The following ERICH3 variants were observed in gnomAD, a reference collection of about 807,000 sequenced individuals.
ERICH3 encodes the protein glutamate rich 3, also known as glutamate-rich protein 3.
Under a neutral mutation model 131.1 loss-of-function variants are expected in ERICH3, and 126 were observed. That is an observed-to-expected ratio of 0.96 (90% CI 0.83 to 1.11). The LOEUF (loss-of-function observed/expected upper bound fraction) is 1.11. Among genes scored for constraint, ERICH3 ranks in the 50% most tolerant of loss-of-function variants. The pLI is 0.00. For synonymous variants in ERICH3, 695 were observed against 644.6 expected, an observed-to-expected ratio of 1.08 and a Z score of -1.18; for missense variants, 2,050 against 1,810.7, an observed-to-expected ratio of 1.13 and a Z score of -2.40.
intron 10 of ERICH3, among the ~76,000 whole-genome samples, chr1:74,601,795 C>T (rs142436582): frequency 1.9e-4 from 29 of 151,872 alleles, no homozygotes; most frequent in African/African-American, 6.5e-4. Flanking sequence ...CATTCATGTG[C>T]CCAAGACCCA....
Position 74,573,316 on chromosome 1 carries a change from C to T in ERICH3, c.2394G>A (p.Trp798Ter). The change falls in exon 14 of 15, where the codon TGG (tryptophan) becomes TGA (stop). Residue 798 changes from tryptophan to a stop codon, truncating the protein, a stop_gained. Coordinates refer to ENST00000326665, the MANE Select transcript of ERICH3 (RefSeq NM_001002912.5). LOFTEE classifies it high-confidence loss of function. ...CCTCATGAACAGCTCCTGCTTCTCC[C>T]CACAGTGCTGCCTCCCCTTTTCCCT... Reference protein sequence around the residue: ...IVQGKGEAALWGEAGAVHEAP... With the variant: ...IVQGKGEAAL 1 of 1,603,954 alleles carries T rather than the reference C, an allele frequency of 6.2e-7. No homozygotes were observed. Among genetic ancestry groups the T allele is most frequent in the Non-Finnish European group, 8.5e-7 (1 of 1,176,014 alleles).
rs1045538588 is a variant in ERICH3, at chr1:74,571,792, T to C, written c.3918A>G (p.Thr1306=). Reference sequence around the variant, plus strand: ...CCGAGTTCCTGTCCTGCATCGCTTCTGTCTCCAGAGTGCACTCTTTGTCCT... The same window carrying C: ...CCGAGTTCCTGTCCTGCATCGCTTCCGTCTCCAGAGTGCACTCTTTGTCCT... The part of the protein sequence containing the change: ...EEEDKECTLE[T]EAMQDRNSEG... The change falls in exon 14 of 15, where the codon ACA becomes ACG. Residue 1306 remains threonine, a synonymous_variant. Coordinates refer to ENST00000326665, the MANE Select transcript of ERICH3 (RefSeq NM_001002912.5). The C allele has an allele frequency of 3.7e-6, 6 of 1,613,848 alleles. No individual in the cohort carries two copies. In the Admixed American group the frequency reaches 6.7e-5, roughly 18 times the overall value.
intron 12 of ERICH3, chr1:74,586,337 T>C (rs696689): frequency 4.6e-6 from 4 of 875,346 alleles, no homozygotes; most frequent in African/African-American, 3.7e-5. Context: ...ATATGTATCT[T>C]TGTAATATAG....
At chr1:74,598,208 A>G (rs991839760) in intron 11 of ERICH3, among the ~76,000 whole-genome samples, 3 of 151,944 alleles carry the variant, frequency 2.0e-5, no homozygotes, top group Non-Finnish European at 4.4e-5. Flanking sequence ...GTGAAAAATC[A>G]TTGATTCAAC....
intron 9 of ERICH3, among the ~76,000 whole-genome samples, chr1:74,611,951 C>T (rs1186974547): frequency 6.6e-6 from 1 of 152,120 alleles, no homozygotes; most frequent in Non-Finnish European, 1.5e-5. Flanking sequence ...ATAAGTTCCA[C>T]AGAGACAAAT....
intron 11 of ERICH3, among the ~76,000 whole-genome samples, chr1:74,590,976 A>T (rs1210396570): frequency 6.6e-6 from 1 of 152,190 alleles, no homozygotes; most frequent in Non-Finnish European, 1.5e-5. Context: ...CTTTTTTTAA[A>T]AAAATTTATT....
chr1:74,632,204 C>A (rs1487968864), intron 6 of ERICH3, among the ~76,000 whole-genome samples: 2 of 152,074 alleles, frequency 1.3e-5, no homozygotes, highest in Non-Finnish European at 2.9e-5. Context: ...ATCCATTAAA[C>A]CCAATACAAC....
intron 12 of ERICH3, among the ~76,000 whole-genome samples, chr1:74,581,845 T>G (rs1339498493): frequency 6.6e-6 from 1 of 152,186 alleles, no homozygotes; most frequent in Non-Finnish European, 1.5e-5. Flanking sequence ...GATGCAGATT[T>G]TCCTCAAAAA....
intron 12 of ERICH3, chr1:74,586,363 T>C (rs1647330626): frequency 9.6e-6 from 9 of 934,696 alleles, no homozygotes; most frequent in Non-Finnish European, 1.1e-5. Flanking sequence ...TATATTAATA[T>C]ATCTATACCT....
intron 11 of ERICH3, among the ~76,000 whole-genome samples, chr1:74,593,801 T>C (rs926971229): frequency 9.2e-5 from 14 of 152,270 alleles, no homozygotes; most frequent in Middle Eastern, 6.8e-3. Flanking sequence ...CAGTACCCAA[T>C]GTCCATTACC....
rs147806023 is a variant in ERICH3, at chr1:74,573,054, G to A, written c.2656C>T (p.Leu886Phe). ...PEKQALMLTV[L>F]ETDKAASEGE... Reference sequence around the variant, plus strand: ...TCAGAAGCTGCTTTGTCTGTCTCAAGCACTGTGAGCATCAAGGCTTGCTTT... The same window carrying A: ...TCAGAAGCTGCTTTGTCTGTCTCAAACACTGTGAGCATCAAGGCTTGCTTT... The change falls in exon 14 of 15, where the codon CTT (leucine) becomes TTT (phenylalanine). Residue 886 changes from leucine to phenylalanine, a missense_variant. Leu to Phe is a conservative substitution (Grantham distance 22). Coordinates refer to ENST00000326665, the MANE Select transcript of ERICH3 (RefSeq NM_001002912.5). The A allele has an allele frequency of 1.9e-6, 3 of 1,614,016 alleles. No individual in the cohort carries two copies. The highest frequency in any genetic ancestry group is 1.3e-5 in the African/African-American group (1 of 74,904).
intron 1 of ERICH3, among the ~76,000 whole-genome samples, chr1:74,669,694 C>T (rs1646724164): frequency 6.6e-6 from 1 of 152,192 alleles, no homozygotes; most frequent in South Asian, 2.1e-4. Context: ...TTATCTTTGG[C>T]AGAAGTTTTA....
At chr1:74,605,775 C>T (rs1232260659) in intron 10 of ERICH3, among the ~76,000 whole-genome samples, 1 of 151,626 alleles carries the variant, frequency 6.6e-6, no homozygotes, top group African/African-American at 2.4e-5. Flanking sequence ...ATCACCATGA[C>T]AGATATCATA....
chr1:74,616,083 C>T (rs1648949489), intron 8 of ERICH3, among the ~76,000 whole-genome samples: 3 of 152,110 alleles, frequency 2.0e-5, no homozygotes, highest in Admixed American at 6.6e-5. Flanking sequence ...CTCACTGCAA[C>T]CTCTGCCTCC....
chr1:74,643,555 A>T (rs1646454376), intron 3 of ERICH3, among the ~76,000 whole-genome samples: 1 of 152,158 alleles, frequency 6.6e-6, no homozygotes, highest in Admixed American at 6.6e-5. Flanking sequence ...TTGTTTAAAA[A>T]ATGGACAATG....
At chr1:74,607,162 G>A (rs917188943) in intron 9 of ERICH3, among the ~76,000 whole-genome samples, 4 of 151,826 alleles carry the variant, frequency 2.6e-5, no homozygotes, top group Admixed American at 6.6e-5. Context: ...AAAATAACTC[G>A]TCAACCAAGA....
rs1373402058 is a variant in ERICH3, at chr1:74,568,663, T to C, written c.*1795A>G. The C allele has an allele frequency of 6.6e-6, 1 of 152,182 alleles. No individual in the cohort carries two copies. Among genetic ancestry groups the C allele is most frequent in the Non-Finnish European group, 1.5e-5 (1 of 68,020 alleles). The allele number at this position is 152,182 out of a possible 1,614,324, so 9.4% of individuals were successfully genotyped here. On this transcript the variant is annotated 3_prime_UTR_variant, in exon 15 of 15. Transcript: ENST00000326665. The stretch of plus-strand genomic sequence containing the variant: ...TAATAAAAATAAGTTTAAGATTGAC[T>C]CCACCACTTTTATATTGAGTGCCAT...
At chr1:74,664,901 T>C (rs943729409) in intron 1 of ERICH3, among the ~76,000 whole-genome samples, 1 of 152,178 alleles carries the variant, frequency 6.6e-6, no homozygotes, top group Non-Finnish European at 1.5e-5. Context: ...ACTAAGTCTT[T>C]ACTTATATTT....
At chr1:74,589,177 C>T (rs944067445) in intron 12 of ERICH3, 8 of 169,888 alleles carry the variant, frequency 4.7e-5, no homozygotes, top group African/African-American at 1.2e-4. Flanking sequence ...TTTGTGAGGA[C>T]GTGATGAGTT....
Sources: gnomAD v4.1 joint callset for allele counts (sites outside exome capture counted in the v4.1 genomes callset) on GRCh38, gnomAD v4.1.1 for gene constraint, MANE v1.5 for transcripts, NCBI Gene and HGNC (gene_info 2026-07-23, HGNC 2026-07-21) for gene names.